PRKCE: variants seen among roughly 807,000 people sequenced by gnomAD.
PRKCE encodes protein kinase C epsilon type.
Under a neutral mutation model 85.4 loss-of-function variants are expected in PRKCE, and 16 were observed. The observed-to-expected ratio is 0.19, with a 90% CI of 0.13 to 0.28. The LOEUF is 0.28. PRKCE is among the 10% of genes least tolerant of loss of function. PRKCE has a pLI of 1.00. For missense variants in PRKCE, 573 were observed against 975.2 expected (o/e 0.59, Z 5.49); for synonymous variants, 388 against 371.5 (o/e 1.04, Z -0.51).
chr2:46,004,572 G>T lies in PRKCE; in HGVS notation c.997G>T (p.Ala333Ser). Residue 333 changes from alanine to serine, a missense_variant, in exon 8 of 15, where the codon GCT becomes TCT. Physicochemically the swap from Ala to Ser is moderately conservative, Grantham distance 99 (BLOSUM62 1). This residue lies in a region of PRKCE where 117 missense variants were observed against 104.8 expected (regional missense o/e 1.12). Coordinates refer to ENST00000306156, the MANE Select transcript of PRKCE (RefSeq NM_005400.3). The surrounding 1 kb of genome is among the most constrained non-coding windows in gnomAD (Gnocchi z 4.1). ...LIAGAESPQP[A>S]SGSSPSEEDR... ...TGCTGGTGCCGAGTCCCCGCAGCCT[G>T]CTTCTGGAAGCTCACCATCTGAGGA... The T allele has an allele frequency of 6.3e-7, 1 of 1,590,462 alleles. No homozygotes were observed. Among genetic ancestry groups the T allele is most frequent in the African/African-American group, 1.3e-5 (1 of 74,896 alleles).
intron 1 of PRKCE, among the ~76,000 whole-genome samples, chr2:45,793,998 C>G (rs1687221628): frequency 6.6e-6 from 1 of 152,180 alleles, no homozygotes. Flanking sequence ...ATCTCCATGC[C>G]TGAATCCCAG....
At chr2:45,954,357 A>G (rs1156837312) in intron 2 of PRKCE, among the ~76,000 whole-genome samples, 13 of 152,222 alleles carry the variant, frequency 8.5e-5, no homozygotes, top group Admixed American at 5.9e-4. Context: ...CTTGTGATCA[A>G]ATTGTAAGTT....
chr2:45,723,733 T>C (rs1411374064), intron 1 of PRKCE, among the ~76,000 whole-genome samples: 1 of 152,174 alleles, frequency 6.6e-6, no homozygotes, highest in Non-Finnish European at 1.5e-5. Flanking sequence ...GCGTCCTGAA[T>C]AGCTGGGATT....
chr2:45,759,499 C>T (rs80094368), intron 1 of PRKCE, among the ~76,000 whole-genome samples: 105 of 152,310 alleles, frequency 6.9e-4, no homozygotes, highest in African/African-American at 2.3e-3. Context: ...GACCAAGCCT[C>T]TCTTTTCACA....
intron 2 of PRKCE, among the ~76,000 whole-genome samples, chr2:45,970,380 A>G (rs1262153989): frequency 1.3e-5 from 2 of 152,152 alleles, no homozygotes; most frequent in Non-Finnish European, 2.9e-5. Context: ...GGATCTTGAT[A>G]TATATATTTC....
At chr2:45,949,733 T>G (rs1700494151) in intron 2 of PRKCE, among the ~76,000 whole-genome samples, 2 of 152,176 alleles carry the variant, frequency 1.3e-5, no homozygotes, top group Non-Finnish European at 2.9e-5. Context: ...ACCATGGACC[T>G]AGGATCATAT....
At chr2:45,915,373 C>A (rs1697687095) in intron 2 of PRKCE, among the ~76,000 whole-genome samples, 1 of 152,174 alleles carries the variant, frequency 6.6e-6, no homozygotes, top group Non-Finnish European at 1.5e-5. Context: ...CTAAGCACAT[C>A]TTTAAGATCG....
intron 10 of PRKCE, among the ~76,000 whole-genome samples, chr2:46,013,047 G>A (rs1468768780): frequency 6.6e-6 from 1 of 152,154 alleles, no homozygotes; most frequent in Admixed American, 6.5e-5. Flanking sequence ...TGCCACCTCA[G>A]TTTCATAGAA....
intron 14 of PRKCE, among the ~76,000 whole-genome samples, chr2:46,174,434 T>C (rs980790872): frequency 2.0e-5 from 3 of 152,198 alleles, no homozygotes; most frequent in African/African-American, 4.8e-5. Flanking sequence ...TTTTTTAAAA[T>C]CGAATTAGTA....
At chr2:46,120,487 T>G (rs1673201453) in intron 11 of PRKCE, among the ~76,000 whole-genome samples, 2 of 152,204 alleles carry the variant, frequency 1.3e-5, no homozygotes, top group South Asian at 4.1e-4. Flanking sequence ...CAAAGTTCTC[T>G]GCTCATGTGA....
Position 46,001,336 on chromosome 2 carries a change from C to G in PRKCE, c.824-68C>G. On this transcript the variant is annotated intron_variant, in intron 6 of 14. Coordinates refer to ENST00000306156, the MANE Select transcript of PRKCE (RefSeq NM_005400.3). The surrounding 1 kb of genome is among the most constrained non-coding windows in gnomAD (Gnocchi z 4.4). ...ATACTTCATGAACATATAATACAAT[C>G]TCAAAGAAAAGAAGCAACATCTTAG... 4.1e-6 allele frequency: 6 copies of G among 1,462,252 alleles called. No homozygotes were observed. The highest frequency in any genetic ancestry group is 2.4e-5 in the East Asian group (1 of 42,316). 90.6% of individuals were successfully genotyped at this position (1,462,252 alleles called of 1,614,324 possible). A position where few individuals can be genotyped will look rare whatever the true frequency, so the allele number is the denominator to read the frequency against.
At chr2:45,884,993 A>T (rs200677667) in intron 2 of PRKCE, among the ~76,000 whole-genome samples, 16,704 of 68,352 alleles carry the variant, frequency 0.24, 2,566 homozygotes, top group East Asian at 0.6. Flanking sequence ...ATATATATAT[A>T]TATATATATT....
chr2:46,018,381 C>T (rs1010820946), intron 10 of PRKCE, among the ~76,000 whole-genome samples: 5 of 152,116 alleles, frequency 3.3e-5, no homozygotes, highest in African/African-American at 4.8e-5. Context: ...CTCATGGGAG[C>T]GTAAAACTGC....
At chr2:46,130,571 G>T (rs974784263) in intron 11 of PRKCE, among the ~76,000 whole-genome samples, 18 of 152,174 alleles carry the variant, frequency 1.2e-4, no homozygotes, top group African/African-American at 4.1e-4. Flanking sequence ...CTTTATTTCA[G>T]AATAGACTGC....
At chr2:45,830,555 G>T (rs1690340006) in intron 1 of PRKCE, among the ~76,000 whole-genome samples, 1 of 152,186 alleles carries the variant, frequency 6.6e-6, no homozygotes, top group Non-Finnish European at 1.5e-5. Flanking sequence ...AGGAGTTTCA[G>T]AAAGAAAATG....
intron 10 of PRKCE, among the ~76,000 whole-genome samples, chr2:46,052,020 AC>A (rs1158448159): frequency 6.6e-6 from 1 of 152,116 alleles, no homozygotes. Flanking sequence ...CTCCATCAAC[AC>A]CTGGGGATTA....
At chr2:45,706,237 T>C (rs531265640) in intron 1 of PRKCE, among the ~76,000 whole-genome samples, 2 of 152,290 alleles carry the variant, frequency 1.3e-5, no homozygotes, top group Non-Finnish European at 1.5e-5. Context: ...GCTGTTGTAG[T>C]TGGCAAGAGA....
At chr2:46,130,786 T>C (rs532069062) in intron 11 of PRKCE, among the ~76,000 whole-genome samples, 3 of 152,340 alleles carry the variant, frequency 2.0e-5, no homozygotes, top group African/African-American at 7.2e-5. Flanking sequence ...ATATGTCCTG[T>C]ACACAGGTAG....
At chr2:45,918,773 G>A (rs191180899) in intron 2 of PRKCE, among the ~76,000 whole-genome samples, 1 of 152,198 alleles carries the variant, frequency 6.6e-6, no homozygotes, top group Non-Finnish European at 1.5e-5. Flanking sequence ...GTTGGCGAGG[G>A]GGGGAATGGG....
Sources: allele counts gnomAD v4.1 joint callset (sites outside exome capture counted in the v4.1 genomes callset), GRCh38; gene constraint gnomAD v4.1.1; regional missense constraint gnomAD v4.1.1; non-coding constraint Gnocchi (gnomAD v3.1); transcripts MANE v1.5; gene names NCBI Gene and HGNC (gene_info 2026-07-23, HGNC 2026-07-21).